Variants in RSF1 observed in about 807,000 individuals in gnomAD.
The protein encoded by RSF1 is remodeling and spacing factor 1.
A neutral mutation model predicts 145.2 loss-of-function variants in RSF1; 13 were observed. The ratio of observed to expected loss-of-function variants is 0.09; its 90% CI spans 0.06 to 0.14. The LOEUF is 0.14. Among genes scored for constraint, RSF1 ranks in the 10% least tolerant of loss-of-function variants. The probability of loss-of-function intolerance (pLI) is 1.00; values close to 1 mark genes in which losing one functional copy is unlikely to be tolerated. For missense variants in RSF1, 1,517 were observed against 1,718.2 expected (o/e 0.88, Z 2.07); for synonymous variants, 577 against 592.6 (o/e 0.97, Z 0.38).
intron 1 of RSF1, among the ~76,000 whole-genome samples, chr11:77,790,735 G>A (rs1029476353): frequency 6.6e-5 from 10 of 152,154 alleles, no homozygotes; most frequent in South Asian, 2.1e-4. Flanking sequence ...TTGAAAGTCC[G>A]AAATCCAGTG....
intron 15 of RSF1, among the ~76,000 whole-genome samples, chr11:77,671,142 T>A (rs910171392): frequency 0.026 from 344 of 13,172 alleles, 20 homozygotes; most frequent in African/African-American, 0.054. Context: ...AAAAAAAATA[T>A]ATATATATAT....
chr11:77,755,669 C>T (rs576852063), intron 2 of RSF1, among the ~76,000 whole-genome samples: 3 of 151,940 alleles, frequency 2.0e-5, no homozygotes, highest in South Asian at 4.2e-4. Context: ...AACCTCTGCC[C>T]CCCAGGTTCA....
In RSF1 at chr11:77,724,153, T is replaced by C. The variant is rs563564227; in HGVS notation, c.733+1392A>G. On this transcript the variant is annotated intron_variant, in intron 5 of 15. Transcript: ENST00000308488. ...AATGGCCAATAAACACTTGAAAAGA[T>C]AGATGCTTAACATCACTTGTCATTA... 2.3e-3 allele frequency among the ~76,000 whole-genome samples: 346 copies of C among 152,296 alleles called. 2 individuals carry two copies. Among genetic ancestry groups the C allele is most frequent in the African/African-American group, 7.9e-3 (330 of 41,572 alleles).
chr11:77,774,835 C>T (rs1393469795), intron 1 of RSF1, among the ~76,000 whole-genome samples: 1 of 150,356 alleles, frequency 6.7e-6, no homozygotes. Context: ...GGCATGATCT[C>T]GGCTTGCTGC....
chr11:77,741,107 C>G (rs1252096972), intron 3 of RSF1, among the ~76,000 whole-genome samples, 171 bp from the exon 4 acceptor site: 1 of 152,088 alleles, frequency 6.6e-6, no homozygotes, highest in African/African-American at 2.4e-5. Flanking sequence ...TTAGAATAGC[C>G]AATATTTTAA....
intron 5 of RSF1, among the ~76,000 whole-genome samples, chr11:77,724,962 T>G (rs978039458): frequency 2.0e-5 from 3 of 152,192 alleles, no homozygotes; most frequent in African/African-American, 7.2e-5. Flanking sequence ...TTGAAGACAC[T>G]ATGCTATGTG....
chr11:77,682,564 T>A (rs1017687716), intron 11 of RSF1, among the ~76,000 whole-genome samples: 2 of 152,232 alleles, frequency 1.3e-5, no homozygotes, highest in Admixed American at 1.3e-4. Context: ...CTCTGGTATC[T>A]TTGGTGTTAA....
intron 14 of RSF1, 66 bp downstream of exon 14, chr11:77,674,970 G>A (rs1959660329): frequency 6.8e-6 from 9 of 1,323,326 alleles, no homozygotes; most frequent in Non-Finnish European, 9.4e-6. Context: ...TTGCACTCCA[G>A]CATGAGCAAC....
chr11:77,841,749 C>T, the RSF1 span, among the ~76,000 whole-genome samples: 1 of 152,176 alleles, frequency 6.6e-6, no homozygotes, highest in South Asian at 2.1e-4. Flanking sequence ...GTGGCTGTGT[C>T]ATCCCTGGGA....
the RSF1 span, among the ~76,000 whole-genome samples, chr11:77,856,029 G>A: frequency 6.6e-6 from 1 of 152,068 alleles, no homozygotes; most frequent in Admixed American, 6.5e-5. Flanking sequence ...TGAGGTAGGG[G>A]GATTCCTTGA....
intron 1 of RSF1, among the ~76,000 whole-genome samples, chr11:77,767,678 GTCCCGAAAGTCTCCGTGAT>G (rs1156750597): frequency 3.3e-5 from 5 of 152,156 alleles, no homozygotes; most frequent in African/African-American, 1.2e-4. Flanking sequence ...GGCAATACAA[GTCCCGAAAGTCTCCGTGAT>G]AGATTTCTAG....
intron 1 of RSF1, among the ~76,000 whole-genome samples, chr11:77,801,398 A>G (rs1475150275): frequency 6.6e-6 from 1 of 152,256 alleles, no homozygotes. Context: ...ACTGCACTCC[A>G]GCCTGGGCAA....
intron 14 of RSF1, 149 bp from the exon 15 acceptor site, chr11:77,672,379 G>T: frequency 1.5e-6 from 1 of 658,370 alleles, no homozygotes; most frequent in Non-Finnish European, 2.5e-6. Context: ...TTTTATTTGA[G>T]AGAGTATCTC....
chr11:77,691,264 C>A (rs1314351725), intron 8 of RSF1, 26 bp from the exon 9 acceptor site: 1 of 1,596,034 alleles, frequency 6.3e-7, no homozygotes, highest in Non-Finnish European at 8.6e-7. Flanking sequence ...AGATAAAAGT[C>A]ATTTTAAACA....
Position 77,737,146 on chromosome 11 carries a change from G to A in RSF1, c.578+3585C>T, listed in dbSNP as rs183190716. The stretch of plus-strand genomic sequence containing the variant: ...CCATTTTCTAAAGAAATTTGTGGTT[G>A]TGAAAATGAGAAAACTATGCGATGG... On this transcript the variant is annotated intron_variant, in intron 4 of 15. Transcript: ENST00000308488. Among the ~76,000 whole-genome samples, 495 of 152,286 alleles carry A rather than the reference G, an allele frequency of 3.3e-3. 3 individuals carry two copies. Among genetic ancestry groups the A allele is most frequent in the Non-Finnish European group, 5.2e-3 (354 of 68,018 alleles).
chr11:77,796,913 C>T (rs1948578054), intron 1 of RSF1, among the ~76,000 whole-genome samples: 1 of 152,096 alleles, frequency 6.6e-6, no homozygotes. Flanking sequence ...TTCAAAATTG[C>T]TACAAAGAGA....
intron 4 of RSF1, among the ~76,000 whole-genome samples, chr11:77,726,980 A>C (rs1467299730): frequency 6.6e-6 from 1 of 152,244 alleles, no homozygotes; most frequent in Non-Finnish European, 1.5e-5. Context: ...AAGCAGTAAA[A>C]TTGCCACTGA....
chr11:77,774,591 A>C (rs1249513906), intron 1 of RSF1, among the ~76,000 whole-genome samples: 1 of 147,510 alleles, frequency 6.8e-6, no homozygotes, highest in African/African-American at 2.5e-5. Context: ...TAAATAAATA[A>C]ATAAATAAAT....
intron 1 of RSF1, among the ~76,000 whole-genome samples, chr11:77,813,856 C>CACACAG (rs1395930598): frequency 1.8e-4 from 27 of 147,720 alleles, no homozygotes; most frequent in Admixed American, 1.4e-3. Flanking sequence ...CACACACACA[C>CACACAG]AGAGATAATG....
Sources: gnomAD v4.1 joint callset for allele counts (sites outside exome capture counted in the v4.1 genomes callset) on GRCh38, gnomAD v4.1.1 for gene constraint, MANE v1.5 for transcripts, NCBI Gene and HGNC (gene_info 2026-07-23, HGNC 2026-07-21) for gene names.